Variants in SLC7A8 observed in about 807,000 individuals in gnomAD.
The protein encoded by SLC7A8 is large neutral amino acids transporter small subunit 2.
In SLC7A8, 30 loss-of-function variants were observed where a neutral mutation model predicts 51.2. The observed-to-expected ratio is 0.59, with a 90% confidence interval of 0.44 to 0.80. SLC7A8 has a LOEUF of 0.80. SLC7A8 is among the 30% of genes least tolerant of loss of function. The probability of loss-of-function intolerance (pLI) is 0.00; values close to 1 mark genes in which losing one functional copy is unlikely to be tolerated. For missense variants in SLC7A8, 612 were observed against 674.4 expected (o/e 0.91, Z 1.03); for synonymous variants, 257 against 275.8 (o/e 0.93, Z 0.67).
Position 23,165,580 on chromosome 14 carries a change from C to A in SLC7A8, c.357-144G>T, listed in dbSNP as rs78386065. On this transcript the variant is annotated intron_variant, in intron 2 of 10. Transcript: ENST00000316902. This position sits in a 1 kb window ranked among gnomAD's most constrained non-coding sequence, Gnocchi z 4.2. ...TCTGCCCCCACCCACAAATGAGACACCCAGCCCTCTGCAGTGACAATAAAA... is the reference window on the plus strand; with the variant it reads ...TCTGCCCCCACCCACAAATGAGACAACCAGCCCTCTGCAGTGACAATAAAA... 2,015 of 741,366 alleles carry A rather than the reference C, an allele frequency of 2.7e-3. 31 individuals carry two copies. In the African/African-American group the frequency reaches 0.034, roughly 13 times the overall value. The allele number at this position is 741,366 out of a possible 1,614,324, so 45.9% of individuals were successfully genotyped here.
chr14:23,165,371 G>A lies in SLC7A8; in HGVS notation c.422C>T (p.Thr141Ile), dbSNP rs1332504815. The part of the protein sequence containing the change: ...YPTNQAVIAL[T>I]FSNYVLQPLF... Reference sequence around the variant, plus strand: ...CGGCTGCAGCACGTAGTTGGAGAAGGTGAGGGCGATGACAGCCTGGTTGGT... The same window carrying A: ...CGGCTGCAGCACGTAGTTGGAGAAGATGAGGGCGATGACAGCCTGGTTGGT... The change falls in exon 3 of 11, where the codon ACC becomes ATC. Residue 141 changes from threonine to isoleucine, a missense_variant. Coordinates refer to ENST00000316902, the MANE Select transcript of SLC7A8 (RefSeq NM_012244.4). The surrounding 1 kb of genome is among the most constrained non-coding windows in gnomAD (Gnocchi z 4.2). 9.3e-6 allele frequency: 15 copies of A among 1,604,706 alleles called. No individual in the cohort carries two copies. Among genetic ancestry groups the A allele is most frequent in the Non-Finnish European group, 1.3e-5 (15 of 1,176,870 alleles).
chr14:23,183,656 A>T lies in SLC7A8; in HGVS notation c.-742T>A, dbSNP rs1406196250. On this transcript the variant is annotated 5_prime_UTR_variant, in exon 1 of 11. Transcript: ENST00000316902. Reference sequence around the variant, plus strand: ...GGTTTCGGGAGAGTGGCTTCTCCACACACTAACGTGCTTCTCTTTAGCGAG... The same window carrying T: ...GGTTTCGGGAGAGTGGCTTCTCCACTCACTAACGTGCTTCTCTTTAGCGAG... 6.6e-6 allele frequency: 1 copy of T among 151,944 alleles called. No homozygotes were observed. Among genetic ancestry groups the T allele is most frequent in the East Asian group, 1.9e-4 (1 of 5,154 alleles). The allele number at this position is 151,944 out of a possible 1,614,324, so 9.4% of individuals were successfully genotyped here. A position where few individuals can be genotyped will look rare whatever the true frequency, so the allele number is the denominator to read the frequency against.
intron 3 of SLC7A8, among the ~76,000 whole-genome samples, chr14:23,146,369 AG>A (rs2048794002): frequency 6.6e-6 from 1 of 152,196 alleles, no homozygotes; most frequent in Admixed American, 6.5e-5. Context: ...GACAACTCAA[AG>A]AAATTCCTCC....
intron 3 of SLC7A8, among the ~76,000 whole-genome samples, chr14:23,158,983 C>T (rs150841162): frequency 3.9e-4 from 59 of 152,280 alleles, no homozygotes; most frequent in African/African-American, 1.3e-3. Flanking sequence ...TGGATAAAAT[C>T]TACTTACCTT....
rs1278109463 is a variant in SLC7A8, at chr14:23,128,538, A to G, written c.1264-342T>C. On this transcript the variant is annotated intron_variant, in intron 9 of 10. Transcript: ENST00000316902. This position sits in a 1 kb window ranked among gnomAD's most constrained non-coding sequence, Gnocchi z 4.3. ...CCAGAGAAGCCCACAGGGATGGAGA[A>G]GCTTGCTGGCACATGGGTGTGTCTG... Among the ~76,000 whole-genome samples the G allele has an allele frequency of 6.6e-6, 1 of 152,204 alleles. No homozygotes were observed. The highest frequency in any genetic ancestry group is 1.5e-5 in the Non-Finnish European group (1 of 68,024).
intron 4 of SLC7A8, among the ~76,000 whole-genome samples, chr14:23,142,388 T>C (rs1036698065): frequency 6.6e-5 from 10 of 152,320 alleles, no homozygotes; most frequent in African/African-American, 2.4e-4. Flanking sequence ...AAACATAAAA[T>C]ACCTTTCTCT....
intron 1 of SLC7A8, among the ~76,000 whole-genome samples, chr14:23,168,477 G>A (rs1390954292): frequency 1.3e-5 from 2 of 152,186 alleles, no homozygotes; most frequent in African/African-American, 4.8e-5. Flanking sequence ...TGCCTAGCAG[G>A]AAGTTATCAA....
At chr14:23,167,156 C>T (rs917310951) in intron 1 of SLC7A8, among the ~76,000 whole-genome samples, 4 of 152,182 alleles carry the variant, frequency 2.6e-5, no homozygotes, top group African/African-American at 9.7e-5. Flanking sequence ...ACGGCCCCAC[C>T]CTTGGTGAAG....
chr14:23,155,579 C>G, intron 3 of SLC7A8: 1 of 1,005,836 alleles, frequency 9.9e-7, no homozygotes, highest in Non-Finnish European at 1.3e-6. Flanking sequence ...CGGGGAGAAG[C>G]GAAAAACTGG....
At position 23,138,142 on chromosome 14, in the gene SLC7A8, C is replaced by T. The variant is rs562062748; in HGVS notation, c.913-118G>A. ...CTCCACCCTTGCTAATTCTCTCTCG[C>T]CAAGCTTCTTAATTGCCCCCACCCT... On this transcript the variant is annotated intron_variant, in intron 6 of 10. Coordinates refer to ENST00000316902, the MANE Select transcript of SLC7A8 (RefSeq NM_012244.4). 81 of 1,291,344 alleles carry T rather than the reference C, an allele frequency of 6.3e-5. No homozygotes were observed. The East Asian group carries it at 1.9e-3, about 30-fold the overall frequency. The allele number at this position is 1,291,344 out of a possible 1,614,324, so 80.0% of individuals were successfully genotyped here. A position where few individuals can be genotyped will look rare whatever the true frequency, so the allele number is the denominator to read the frequency against.
chr14:23,166,617 T>A, intron 1 of SLC7A8, 77 bp from the exon 2 acceptor site: 1 of 1,467,404 alleles, frequency 6.8e-7, no homozygotes, highest in Non-Finnish European at 9.5e-7. Context: ...TGGAGGGTGG[T>A]CTCATTTCTG....
intron 3 of SLC7A8, among the ~76,000 whole-genome samples, chr14:23,153,037 G>A (rs1043696021): frequency 9.2e-5 from 14 of 152,118 alleles, no homozygotes; most frequent in African/African-American, 2.7e-4. Context: ...TGAAGCCTGC[G>A]CCCTACCACC....
At chr14:23,142,614 C>A (rs974773836) in intron 4 of SLC7A8, among the ~76,000 whole-genome samples, 1 of 152,204 alleles carries the variant, frequency 6.6e-6, no homozygotes, top group Non-Finnish European at 1.5e-5. Context: ...GATCCTCCCA[C>A]CTTAGCCTCC....
chr14:23,156,793 A>G (rs1181943678), intron 3 of SLC7A8, among the ~76,000 whole-genome samples: 1 of 152,194 alleles, frequency 6.6e-6, no homozygotes, highest in African/African-American at 2.4e-5. Context: ...TCAGAAGTAG[A>G]CATATTCCCA....
chr14:23,127,354 A>G lies in SLC7A8; in HGVS notation c.1442-11T>C. On this transcript the variant is annotated splice_polypyrimidine_tract_variant and intron_variant, in intron 10 of 10. Coordinates refer to ENST00000316902, the MANE Select transcript of SLC7A8 (RefSeq NM_012244.4). ...CCAGGGTTAGCAGCTCTGTAGGAAG[A>G]GATCACACAGAAACCAGGCCAATGC... is the stretch of plus-strand genomic sequence containing the variant. 1 of 1,612,352 alleles carries G rather than the reference A, an allele frequency of 6.2e-7. No homozygotes were observed. Among genetic ancestry groups the G allele is most frequent in the Non-Finnish European group, 8.5e-7 (1 of 1,178,574 alleles).
chr14:23,145,121 C>CG (rs1173438551), intron 3 of SLC7A8, among the ~76,000 whole-genome samples: 2 of 151,348 alleles, frequency 1.3e-5, no homozygotes, highest in Non-Finnish European at 3.0e-5. Context: ...AGGGTTTCAC[C>CG]GTGTTAGCCA....
At chr14:23,154,086 G>A (rs1269947839) in intron 3 of SLC7A8, among the ~76,000 whole-genome samples, 1 of 152,204 alleles carries the variant, frequency 6.6e-6, no homozygotes, top group East Asian at 1.9e-4. Context: ...GTACTAAGCA[G>A]ACGGTTGCTG....
intron 1 of SLC7A8, among the ~76,000 whole-genome samples, chr14:23,172,586 C>T (rs17127381): frequency 0.012 from 1,847 of 152,286 alleles, 39 homozygotes; most frequent in African/African-American, 0.042. Flanking sequence ...CCAGCATTCC[C>T]GGCCCAACTG....
chr14:23,158,640 G>A (rs927896217), intron 3 of SLC7A8, among the ~76,000 whole-genome samples: 3 of 152,220 alleles, frequency 2.0e-5, no homozygotes, highest in South Asian at 2.1e-4. Flanking sequence ...CACCGCGCCC[G>A]GCCGACATAG....
Sources: gnomAD v4.1 joint callset for allele counts (sites outside exome capture counted in the v4.1 genomes callset) on GRCh38, gnomAD v4.1.1 for gene constraint, Gnocchi (gnomAD v3.1) non-coding constraint, MANE v1.5 for transcripts, NCBI Gene and HGNC (gene_info 2026-07-23, HGNC 2026-07-21) for gene names.